Variants in MSH3 observed in about 807,000 individuals in gnomAD.
The protein encoded by MSH3 is DNA mismatch repair protein Msh3.
A neutral mutation model predicts 123.3 loss-of-function variants in MSH3; 106 were observed. The observed-to-expected ratio is 0.86, with a 90% CI of 0.73 to 1.01. The LOEUF (loss-of-function observed/expected upper bound fraction) is 1.01, where lower values mean the gene tolerates loss of function less well. Ranked by LOEUF, MSH3 falls within the 50% of genes least tolerant of loss-of-function variation. The pLI, the probability that MSH3 is intolerant of heterozygous loss-of-function variation, is 0.00. For missense variants in MSH3, 1,459 were observed against 1,347.6 expected, an observed-to-expected ratio of 1.08 and a Z score of -1.29; for synonymous variants, 515 against 481.4, an observed-to-expected ratio of 1.07 and a Z score of -0.91.
At chr5:80,859,712 CTTT>C (rs373044585) in intron 21 of MSH3, among the ~76,000 whole-genome samples, 1 of 130,150 alleles carries the variant, frequency 7.7e-6, no homozygotes, top group Admixed American at 7.6e-5. Flanking sequence ...CATTTTCTCT[CTTT>C]TTTTTTTTTT....
intron 10 of MSH3, among the ~76,000 whole-genome samples, chr5:80,740,904 C>G (rs1053134014): frequency 1.3e-5 from 2 of 151,514 alleles, no homozygotes; most frequent in Non-Finnish European, 2.9e-5. Flanking sequence ...TTAGTAGAGA[C>G]GAGGTTTTGC....
intron 12 of MSH3, among the ~76,000 whole-genome samples, chr5:80,753,300 G>C (rs916720635): frequency 1.3e-5 from 2 of 152,160 alleles, no homozygotes; most frequent in African/African-American, 4.8e-5. Context: ...TGCTTGCACT[G>C]TCAGTTTCTA....
At chr5:80,849,443 T>A (rs1359145101) in intron 20 of MSH3, among the ~76,000 whole-genome samples, 1 of 152,212 alleles carries the variant, frequency 6.6e-6, no homozygotes, top group Non-Finnish European at 1.5e-5. Context: ...GCAGAGGTTC[T>A]CCATGAGAGC....
At chr5:80,710,053 A>G (rs974796444) in intron 8 of MSH3, among the ~76,000 whole-genome samples, 2 of 152,204 alleles carry the variant, frequency 1.3e-5, no homozygotes, top group Non-Finnish European at 2.9e-5. Context: ...TGAGCACATG[A>G]CTACTGCTAT....
chr5:80,664,112 G>A (rs745684450), intron 2 of MSH3, among the ~76,000 whole-genome samples: 3 of 152,160 alleles, frequency 2.0e-5, no homozygotes, highest in African/African-American at 7.2e-5. Context: ...CTGCCAATTG[G>A]CAGACTGTGA....
Position 80,813,730 on chromosome 5 carries a change from C to T in MSH3, c.2802C>T (p.Gly934=), listed in dbSNP as rs1580066590. Residue 934 remains glycine (G), a synonymous_variant, in exon 20 of 24, where the codon GGC becomes GGT. Coordinates refer to ENST00000265081, the MANE Select transcript of MSH3 (RefSeq NM_002439.5). ...AAGCGACAATTGGGATTGTGGATGG[C>T]ATTTTCACAAGGTAAGTACGTTAAT... ...AEEATIGIVD[G]IFTRMGAADN... 6.2e-7 allele frequency: 1 copy of T among 1,614,120 alleles called. No homozygotes were observed. Among genetic ancestry groups the T allele is most frequent in the Non-Finnish European group, 8.5e-7 (1 of 1,179,990 alleles).
intron 7 of MSH3, among the ~76,000 whole-genome samples, chr5:80,677,065 AT>A (rs1749857171): frequency 6.6e-6 from 1 of 152,102 alleles, no homozygotes; most frequent in Non-Finnish European, 1.5e-5. Context: ...CTGCATCCAA[AT>A]TTTTATTGAA....
rs1745380198 is a variant in MSH3, at chr5:80,829,381, A to C, written c.2813+15640A>C. On this transcript the variant is annotated intron_variant, in intron 20 of 23. Transcript: ENST00000265081. ...ATGTTAGCTATAGGTTTTTTTGTGA[A>C]TATTCCTTATCAAGTTGAGGAAGTT... is the stretch of plus-strand genomic sequence containing the variant. Among the ~76,000 whole-genome samples, 2 of 152,128 alleles carry C rather than the reference A, an allele frequency of 1.3e-5. 1 individual carries two copies. Among genetic ancestry groups the C allele is most frequent in the South Asian group, 4.1e-4 (2 of 4,828 alleles).
rs1168986315 is a variant in MSH3, at chr5:80,867,540, G to T, written c.3130+2598G>T. 2.6e-5 allele frequency among the ~76,000 whole-genome samples: 4 copies of T among 152,110 alleles called. No homozygotes were observed. The East Asian group carries it at 7.7e-4, about 29-fold the overall frequency. ...TGAATCAGGATCAACTTCTGGAGCT[G>T]GCTTTGAAGACCCAGTCCCCTGAGT... On this transcript the variant is annotated intron_variant, in intron 22 of 23. Coordinates refer to ENST00000265081, the MANE Select transcript of MSH3 (RefSeq NM_002439.5).
intron 8 of MSH3, among the ~76,000 whole-genome samples, chr5:80,721,876 C>G (rs758706199): frequency 2.0e-5 from 3 of 151,994 alleles, no homozygotes; most frequent in Non-Finnish European, 4.4e-5. Context: ...AGGGAGTGTT[C>G]TGCTTTTGTG....
At chr5:80,689,228 G>C (rs960534912) in intron 8 of MSH3, among the ~76,000 whole-genome samples, 7 of 152,164 alleles carry the variant, frequency 4.6e-5, no homozygotes, top group African/African-American at 9.7e-5. Context: ...GGCCAGAGAG[G>C]AAGACTGGAG....
intron 8 of MSH3, among the ~76,000 whole-genome samples, chr5:80,682,843 A>G (rs1750001382): frequency 6.6e-6 from 1 of 151,990 alleles, no homozygotes; most frequent in African/African-American, 2.4e-5. Context: ...TTTTGTACCC[A>G]TTAACCATCC....
rs5869058 is a variant in MSH3, at chr5:80,855,873, C to CTTTTTTTTTTTTTTTTTTTTTTT, written c.3000+1558_3000+1580dup. On this transcript the variant is annotated intron_variant, in intron 21 of 23. Transcript: ENST00000265081. ...TCTTCTTTCTCTTCCTCCTCCTCCT[C>CTTTTTTTTTTTTTTTTTTTTTTT]TTTTTTTTTTTTTTTTTTTTTTTCT... is the stretch of plus-strand genomic sequence containing the variant. 3.7e-5 allele frequency: 4 copies of CTTTTTTTTTTTTTTTTTTTTTTT among 107,136 alleles called. 1 individual carries two copies. The highest frequency in any genetic ancestry group is 3.5e-5 in the Non-Finnish European group (2 of 56,662). 6.6% of individuals were successfully genotyped at this position (107,136 alleles called of 1,614,324 possible). A position where few individuals can be genotyped will look rare whatever the true frequency, so the allele number is the denominator to read the frequency against.
chr5:80,667,960 T>C (rs886525818), intron 3 of MSH3, among the ~76,000 whole-genome samples: 2 of 152,214 alleles, frequency 1.3e-5, no homozygotes, highest in African/African-American at 4.8e-5. Context: ...TCCCAGGTTC[T>C]TGTCCTGCTT....
intron 20 of MSH3, among the ~76,000 whole-genome samples, chr5:80,823,740 G>A (rs1364678947): frequency 2.0e-5 from 3 of 151,862 alleles, no homozygotes; most frequent in Non-Finnish European, 2.9e-5. Flanking sequence ...GGTGTTTCTC[G>A]CAGAGGGGGA....
At chr5:80,713,515 T>A (rs571118941) in intron 8 of MSH3, among the ~76,000 whole-genome samples, 2 of 152,260 alleles carry the variant, frequency 1.3e-5, no homozygotes, top group South Asian at 4.1e-4. Flanking sequence ...GAGGAGCACA[T>A]CTTCTGTTCA....
chr5:80,826,956 AATGGATAT>A (rs1415609371), intron 20 of MSH3, among the ~76,000 whole-genome samples: 3 of 152,220 alleles, frequency 2.0e-5, no homozygotes, highest in Non-Finnish European at 2.9e-5. Flanking sequence ...ATTTGTTTCT[AATGGATAT>A]ATCTGTGCAT....
chr5:80,844,275 G>A (rs1484127072), intron 20 of MSH3, among the ~76,000 whole-genome samples: 2 of 151,942 alleles, frequency 1.3e-5, no homozygotes, highest in African/African-American at 4.8e-5. Flanking sequence ...AGTTTGTTGT[G>A]ATTTCTGTTC....
chr5:80,824,542 T>C (rs32983), intron 20 of MSH3, among the ~76,000 whole-genome samples: 28,248 of 152,260 alleles, frequency 0.19, 3,472 homozygotes, highest in Non-Finnish European at 0.28. Flanking sequence ...GAAGCCAAGA[T>C]GTGGAAGCAC....
Sources: gnomAD v4.1 joint callset for allele counts (sites outside exome capture counted in the v4.1 genomes callset) on GRCh38, gnomAD v4.1.1 for gene constraint, MANE v1.5 for transcripts, NCBI Gene and HGNC (gene_info 2026-07-23, HGNC 2026-07-21) for gene names.